C3orf52: variants seen among roughly 807,000 people sequenced by gnomAD.
C3orf52 encodes the protein chromosome 3 open reading frame 52.
A neutral mutation model predicts 24.8 loss-of-function variants in C3orf52; 22 were observed. The ratio of observed to expected loss-of-function variants is 0.89; its 90% CI spans 0.63 to 1.27. The LOEUF (loss-of-function observed/expected upper bound fraction) is 1.27, where lower values mean the gene tolerates loss of function less well. C3orf52 is among the 50% of genes most tolerant of loss of function. The probability of loss-of-function intolerance (pLI) is 0.00; values close to 1 mark genes in which losing one functional copy is unlikely to be tolerated. For synonymous variants in C3orf52, 93 were observed against 100.2 expected, an observed-to-expected ratio of 0.93 and a Z score of 0.43; for missense variants, 265 against 260.7, an observed-to-expected ratio of 1.02 and a Z score of -0.11.
chr3:112,123,257 TC>T, intron 4 of C3orf52: 1 of 975,586 alleles, frequency 1.0e-6, no homozygotes, highest in Non-Finnish European at 1.5e-6. Context: ...ATGGTGTTGT[TC>T]AGGATAAATG....
chr3:112,127,154 C>T, intron 4 of C3orf52: 1 of 613,404 alleles, frequency 1.6e-6, no homozygotes, highest in African/African-American at 1.9e-5. Context: ...ATAATACCTC[C>T]TTCAGCATAG....
intron 4 of C3orf52, chr3:112,128,225 C>T (rs1280258724): frequency 5.6e-6 from 4 of 712,210 alleles, no homozygotes; most frequent in East Asian, 2.7e-5. Context: ...ATGCCTTTGT[C>T]TTCCTAGGAT....
intron 1 of C3orf52, among the ~76,000 whole-genome samples, chr3:112,090,287 CTTTT>C (rs386397627): frequency 1.8e-5 from 2 of 109,046 alleles, no homozygotes; most frequent in Non-Finnish European, 1.8e-5. Context: ...GTTTCATGTG[CTTTT>C]TTTTTTTTTT....
chr3:112,087,168 C>T (rs1576130788), intron 1 of C3orf52, among the ~76,000 whole-genome samples: 1 of 130,330 alleles, frequency 7.7e-6, no homozygotes, highest in Non-Finnish European at 1.7e-5. Flanking sequence ...ATGGGGCGGG[C>T]GGGTTAGGGG....
downstream of C3orf52, chr3:112,135,497 C>G (rs558985568): frequency 1.3e-5 from 2 of 152,734 alleles, no homozygotes; most frequent in East Asian, 3.9e-4. Context: ...TCACATCATT[C>G]TTATCCTTAT....
At chr3:112,130,033 C>T (rs1213791785), downstream of C3orf52, 2 of 173,538 alleles carry the variant, frequency 1.2e-5, no homozygotes, top group African/African-American at 2.4e-5. Context: ...GGTGTCTCCA[C>T]AAACTTTCTA....
At chr3:112,132,502 C>T (rs542308790), downstream of C3orf52, 23 of 252,560 alleles carry the variant, frequency 9.1e-5, no homozygotes, top group Middle Eastern at 2.0e-3. Flanking sequence ...ATGTCAGGCA[C>T]TATGCTAGCA....
chr3:112,126,574 TGC>T (rs2074324500), intron 4 of C3orf52, among the ~76,000 whole-genome samples: 1 of 152,156 alleles, frequency 6.6e-6, no homozygotes, highest in Non-Finnish European at 1.5e-5. Context: ...TAATCATACT[TGC>T]CCCCGCCTCC....
chr3:112,086,813 T>C lies in C3orf52; in HGVS notation c.138+268T>C, dbSNP rs558670345. Among the ~76,000 whole-genome samples, 4 of 152,358 alleles carry C rather than the reference T, an allele frequency of 2.6e-5. No individual in the cohort carries two copies. In the South Asian group the frequency reaches 6.2e-4, roughly 24 times the overall value. ...CCTAGTGGTGAGGTGTGGCCGCTGC[T>C]GTCTTCAGAGAGGTATTCCGGAGAT... On this transcript the variant is annotated intron_variant, in intron 1 of 5. Transcript: ENST00000264848.
intron 1 of C3orf52, among the ~76,000 whole-genome samples, chr3:112,087,609 A>G (rs1272474795): frequency 6.6e-6 from 1 of 152,260 alleles, no homozygotes; most frequent in African/African-American, 2.4e-5. Flanking sequence ...GATTCCTGGA[A>G]CTATTGCAAA....
At chr3:112,135,718 C>T (rs2074544857), downstream of C3orf52, among the ~76,000 whole-genome samples, 2 of 152,158 alleles carry the variant, frequency 1.3e-5, no homozygotes, top group East Asian at 1.9e-4. Flanking sequence ...TTATTATATA[C>T]CTAATGCCTG....
Position 112,102,924 on chromosome 3 carries a change from T to C in C3orf52, c.355T>C (p.Cys119Arg). 6.2e-7 allele frequency: 1 copy of C among 1,611,346 alleles called. No individual in the cohort carries two copies. The highest frequency in any genetic ancestry group is 1.1e-5 in the South Asian group (1 of 90,228). The stretch of plus-strand genomic sequence containing the variant: ...CATCATGCTGAAGATTCCAGAGGAG[T>C]GTGTTGCTGAAGAGGAATTGCCTCA... ...FFIMLKIPEE[C>R]VAEEELPHLL... Residue 119 changes from cysteine (C) to arginine (R), a missense_variant, in exon 3 of 6, where the codon TGT (cysteine) becomes CGT (arginine). Cys to Arg is a radical substitution (Grantham distance 180). Coordinates refer to ENST00000264848, the MANE Select transcript of C3orf52 (RefSeq NM_024616.3).
chr3:112,109,813 G>A, intron 4 of C3orf52, 200 bp downstream of exon 4: 1 of 455,628 alleles, frequency 2.2e-6, no homozygotes. Flanking sequence ...TGAGAAAAAG[G>A]AAGCCCAGAT....
At chr3:112,123,663 A>G (rs1162346157) in intron 4 of C3orf52, 2 of 1,614,176 alleles carry the variant, frequency 1.2e-6, no homozygotes, top group East Asian at 4.5e-5. Context: ...TTTGCAGGGA[A>G]CATTCTCATA....
intron 1 of C3orf52, among the ~76,000 whole-genome samples, chr3:112,090,397 C>T (rs954264991): frequency 2.7e-5 from 4 of 150,816 alleles, no homozygotes; most frequent in Non-Finnish European, 5.9e-5. Flanking sequence ...TGGGCTCAAG[C>T]GATCCTCCCA....
At chr3:112,093,541 GCTTGTGA>G (rs1354462313) in intron 2 of C3orf52, 52 bp downstream of exon 2, 1 of 1,536,852 alleles carries the variant, frequency 6.5e-7, no homozygotes, top group East Asian at 2.3e-5. Flanking sequence ...CTTACTTAAG[GCTTGTGA>G]CTTACACTGA....
chr3:112,102,882 T>A lies in C3orf52; in HGVS notation c.313T>A (p.Ser105Thr). The change falls in exon 3 of 6, where the codon TCA becomes ACA. Residue 105 changes from serine (S) to threonine (T), a missense_variant. By Grantham distance (58) the Ser-to-Thr change is moderately conservative. Transcript: ENST00000264848. ...TGAAAATGAAATACTTGAATTATCA[T>A]CAAACAAAACATTCTTCATCATGCT... is the stretch of plus-strand genomic sequence containing the variant. ...EDENEILELS[S>T]NKTFFIMLKI... 1 of 1,595,552 alleles carries A rather than the reference T, an allele frequency of 6.3e-7. No individual in the cohort carries two copies.
chr3:112,100,949 A>G (rs1437887623), intron 2 of C3orf52, among the ~76,000 whole-genome samples: 3 of 152,232 alleles, frequency 2.0e-5, no homozygotes. Flanking sequence ...AATATATAAT[A>G]TCAAGTATAG....
exon 5 of C3orf52, chr3:112,128,404 T>C (rs1371102473): frequency 2.4e-6 from 1 of 415,874 alleles, no homozygotes; most frequent in African/African-American, 2.0e-5. Context: ...TATGGAAATT[T>C]TACAAATCAT....
Sources: allele counts gnomAD v4.1 joint callset (sites outside exome capture counted in the v4.1 genomes callset), GRCh38; gene constraint gnomAD v4.1.1; transcripts MANE v1.5; gene names NCBI Gene and HGNC (gene_info 2026-07-23, HGNC 2026-07-21).